PXDNL: variants seen among roughly 807,000 people sequenced by gnomAD.
PXDNL encodes probable oxidoreductase PXDNL.
PXDNL carries 145 observed loss-of-function variants against 150.8 expected under a neutral mutation model. The observed-to-expected ratio is 0.96, with a 90% confidence interval of 0.84 to 1.10. The LOEUF (loss-of-function observed/expected upper bound fraction) is 1.10. PXDNL is among the 50% of genes least tolerant of loss of function. The pLI is 0.00. For missense variants in PXDNL, 2,087 were observed against 1,873.9 expected (o/e 1.11, Z -2.10); for synonymous variants, 757 against 725.7 (o/e 1.04, Z -0.69).
chr8:51,530,946 C>T (rs1472172845), intron 4 of PXDNL, among the ~76,000 whole-genome samples: 1 of 152,130 alleles, frequency 6.6e-6, no homozygotes, highest in East Asian at 1.9e-4. Context: ...AAAGAAAATG[C>T]CTAGCACAAA....
In PXDNL at chr8:51,409,245, G is replaced by C. The variant is rs530097696; in HGVS notation, c.2379C>G (p.Val793=). Residue 793 remains valine, a synonymous_variant, in exon 17 of 23, where the codon GTC becomes GTG. Transcript: ENST00000356297. ...TGCGCGTGTAGCTGTGGTCGGGGGT[G>C]ACGGCCGCCGCGCGCGCCCACACTG... ...VATVWARAAA[V]TPDHSYTRML... 2.0e-6 allele frequency: 3 copies of C among 1,514,438 alleles called. No individual in the cohort carries two copies. In the East Asian group the frequency reaches 7.3e-5, roughly 37 times the overall value. The allele number at this position is 1,514,438 out of a possible 1,614,324, so 93.8% of individuals were successfully genotyped here. A position where few individuals can be genotyped will look rare whatever the true frequency, so the allele number is the denominator to read the frequency against.
intron 17 of PXDNL, among the ~76,000 whole-genome samples, chr8:51,399,476 A>T (rs1440152513): frequency 6.6e-6 from 1 of 152,238 alleles, no homozygotes; most frequent in African/African-American, 2.4e-5. Context: ...TAAGCTTAAA[A>T]CAATACATAC....
intron 1 of PXDNL, among the ~76,000 whole-genome samples, chr8:51,676,497 G>C (rs563268934): frequency 6.6e-6 from 1 of 151,852 alleles, no homozygotes; most frequent in Non-Finnish European, 1.5e-5. Flanking sequence ...GGCTGGTCTC[G>C]AACTCGTGAC....
intron 4 of PXDNL, among the ~76,000 whole-genome samples, chr8:51,508,120 G>A (rs553084204): frequency 6.6e-6 from 1 of 152,282 alleles, no homozygotes; most frequent in South Asian, 2.1e-4. Flanking sequence ...GCACCAAAAG[G>A]GCTATTGGAA....
chr8:51,389,183 C>T (rs542765705), intron 17 of PXDNL, among the ~76,000 whole-genome samples: 4 of 152,172 alleles, frequency 2.6e-5, no homozygotes, highest in African/African-American at 9.6e-5. Flanking sequence ...TGCACCAGGT[C>T]GTAAAAGAAT....
intron 1 of PXDNL, among the ~76,000 whole-genome samples, chr8:51,793,517 G>A (rs2037532400): frequency 6.6e-6 from 1 of 152,208 alleles, no homozygotes; most frequent in African/African-American, 2.4e-5. Flanking sequence ...GTAGGCTTCA[G>A]AAGGTGGGTA....
chr8:51,595,184 T>A (rs17276042), intron 2 of PXDNL, among the ~76,000 whole-genome samples: 319 of 152,290 alleles, frequency 2.1e-3, no homozygotes, highest in Non-Finnish European at 3.4e-3. Flanking sequence ...TATGGACCAA[T>A]GGCCCAGTTT....
chr8:51,561,483 A>C (rs1361504977), intron 3 of PXDNL, among the ~76,000 whole-genome samples: 1 of 151,972 alleles, frequency 6.6e-6, no homozygotes, highest in Non-Finnish European at 1.5e-5. Context: ...ACCAGTCTGG[A>C]AAGATGAGAT....
chr8:51,478,928 T>A (rs1810540703), intron 6 of PXDNL, among the ~76,000 whole-genome samples: 2 of 152,102 alleles, frequency 1.3e-5, no homozygotes, highest in Admixed American at 6.6e-5. Flanking sequence ...CAGTTTCCCA[T>A]AAAATAAATT....
intron 4 of PXDNL, among the ~76,000 whole-genome samples, chr8:51,539,755 G>A (rs73584820): frequency 0.034 from 5,106 of 151,986 alleles, 287 homozygotes; most frequent in African/African-American, 0.12. Context: ...AAACTCTTCA[G>A]GATGCTTCCT....
intron 1 of PXDNL, among the ~76,000 whole-genome samples, chr8:51,791,251 AGAC>A (rs1315433653): frequency 6.6e-6 from 1 of 152,230 alleles, no homozygotes; most frequent in Admixed American, 6.5e-5. Flanking sequence ...GCTTGCTAAG[AGAC>A]GTCTTCTTAC....
intron 4 of PXDNL, among the ~76,000 whole-genome samples, chr8:51,507,566 A>G (rs1326536398): frequency 6.6e-6 from 1 of 152,226 alleles, no homozygotes; most frequent in Non-Finnish European, 1.5e-5. Flanking sequence ...AAAGAAATGA[A>G]ATTTCTAAGT....
At chr8:51,524,704 G>A (rs1811732664) in intron 4 of PXDNL, among the ~76,000 whole-genome samples, 1 of 152,036 alleles carries the variant, frequency 6.6e-6, no homozygotes, top group African/African-American at 2.4e-5. Flanking sequence ...GGTATCTTTT[G>A]AACAGTTTGA....
chr8:51,481,612 G>A (rs1453448267), intron 6 of PXDNL, among the ~76,000 whole-genome samples: 1 of 152,182 alleles, frequency 6.6e-6, no homozygotes, highest in African/African-American at 2.4e-5. Flanking sequence ...AGGCCTAGGA[G>A]GGAAAAATGG....
At chr8:51,609,465 A>G (rs547616476) in intron 2 of PXDNL, among the ~76,000 whole-genome samples, 9 of 152,248 alleles carry the variant, frequency 5.9e-5, no homozygotes, top group South Asian at 2.1e-4. Context: ...ACATAATTCC[A>G]TGTTGGGAGG....
At chr8:51,803,112 T>A (rs141906312) in intron 1 of PXDNL, among the ~76,000 whole-genome samples, 1 of 152,156 alleles carries the variant, frequency 6.6e-6, no homozygotes, top group Non-Finnish European at 1.5e-5. Context: ...GGTTAGAACA[T>A]GTGCTGCAGC....
chr8:51,509,764 ACAC>A (rs1811371793), intron 4 of PXDNL, among the ~76,000 whole-genome samples: 1 of 150,266 alleles, frequency 6.7e-6, no homozygotes, highest in African/African-American at 2.5e-5. Flanking sequence ...ACACACACAC[ACAC>A]ACACACAAAT....
At chr8:51,495,430 C>T (rs1811022357) in intron 5 of PXDNL, among the ~76,000 whole-genome samples, 1 of 152,040 alleles carries the variant, frequency 6.6e-6, no homozygotes, top group Non-Finnish European at 1.5e-5. Context: ...TAACTAAGAT[C>T]AGAGCAGAAT....
intron 1 of PXDNL, among the ~76,000 whole-genome samples, chr8:51,727,306 C>T (rs1816833820): frequency 6.6e-6 from 1 of 152,144 alleles, no homozygotes; most frequent in African/African-American, 2.4e-5. Flanking sequence ...ATTACATACA[C>T]TCAAATCAAA....
Sources: gnomAD v4.1 joint callset for allele counts (sites outside exome capture counted in the v4.1 genomes callset) on GRCh38, gnomAD v4.1.1 for gene constraint, MANE v1.5 for transcripts, NCBI Gene and HGNC (gene_info 2026-07-23, HGNC 2026-07-21) for gene names.